LRRC66: variants seen among roughly 807,000 people sequenced by gnomAD.
LRRC66 encodes the protein leucine-rich repeat-containing protein 66.
Under a neutral mutation model 24.6 loss-of-function variants are expected in LRRC66, and 29 were observed. The observed-to-expected ratio is 1.18, with a 90% CI of 0.88 to 1.61. The LOEUF (loss-of-function observed/expected upper bound fraction) is 1.61, where lower values mean the gene tolerates loss of function less well. LRRC66 is among the 40% of genes most tolerant of loss of function. The pLI is 0.00. For synonymous variants in LRRC66, 411 were observed against 397.6 expected, an observed-to-expected ratio of 1.03 and a Z score of -0.40; for missense variants, 1,124 against 1,058.0, an observed-to-expected ratio of 1.06 and a Z score of -0.87.
chr4:52,007,242 A>AATCATAGC (rs1361560004), intron 2 of LRRC66, among the ~76,000 whole-genome samples: 2 of 152,204 alleles, frequency 1.3e-5, no homozygotes, highest in African/African-American at 2.4e-5. Flanking sequence ...GCAATGGCAC[A>AATCATAGC]ATCATAGCTC....
rs1036965352 is a variant in LRRC66, at chr4:52,018,621, G to T, written c.-5-1003C>A. 1.2e-5 allele frequency: 12 copies of T among 981,626 alleles called. No individual in the cohort carries two copies. In the African/African-American group the frequency reaches 1.6e-4, roughly 13 times the overall value. The allele number at this position is 981,626 out of a possible 1,614,324, so 60.8% of individuals were successfully genotyped here. ...TGATCCATCCTAGGTGACTCCAAAGGATTATTTTCCTACAATAACGTATTT... is the reference window on the plus strand; with the variant it reads ...TGATCCATCCTAGGTGACTCCAAAGTATTATTTTCCTACAATAACGTATTT... On this transcript the variant is annotated intron_variant, in intron 1 of 4. Coordinates refer to ENST00000682860, the MANE Select transcript of LRRC66 (RefSeq NM_001024611.3).
intron 4 of LRRC66, among the ~76,000 whole-genome samples, chr4:51,997,463 G>A (rs766196287): frequency 2.6e-4 from 39 of 152,142 alleles, no homozygotes; most frequent in Non-Finnish European, 5.1e-4. Context: ...TGGTGTGTCA[G>A]AACAAAACTC....
intron 4 of LRRC66, among the ~76,000 whole-genome samples, chr4:51,996,548 C>A (rs1241245000): frequency 5.3e-5 from 8 of 152,178 alleles, no homozygotes; most frequent in Non-Finnish European, 1.2e-4. Flanking sequence ...TGAGCTGCTG[C>A]CCCAGCTCCA....
chr4:52,018,153 T>A, intron 1 of LRRC66: 1 of 985,374 alleles, frequency 1.0e-6, no homozygotes, highest in Non-Finnish European at 1.2e-6. Context: ...GAAATACAAG[T>A]TTTGCTGTGT....
In LRRC66 at chr4:51,994,700, T is replaced by C. The variant is rs1736249919; in HGVS notation, c.2322A>G (p.Glu774=). The C allele has an allele frequency of 6.2e-7, 1 of 1,614,188 alleles. No homozygotes were observed. The change falls in exon 5 of 5, where the codon GAA becomes GAG. Residue 774 remains glutamate (E), a synonymous_variant. Transcript: ENST00000682860. ...AGTCTGGAGCAGAAATGAGAGGTTT[T>C]TCAAAGGGATCTTCTTGATTCTTGC... ...GKCKNQEDPF[E]KPLISAPDSG...
In LRRC66 at chr4:51,994,631, A is replaced by G; in HGVS notation, c.2391T>C (p.Asp797=). 1 of 1,607,532 alleles carries G rather than the reference A, an allele frequency of 6.2e-7. No homozygotes were observed. Among genetic ancestry groups the G allele is most frequent in the Non-Finnish European group, 8.5e-7 (1 of 1,174,698 alleles). Residue 797 remains aspartate, a synonymous_variant, in exon 5 of 5, where the codon GAT becomes GAC. Transcript: ENST00000682860. The part of the protein sequence containing the change: ...KTHLENASDT[D]RSEGLSPWPR... ...GCCAGGGTGACAGGCCCTCAGATCT[A>G]TCAGTGTCAGAGGCATTTTCCAGAT...
At chr4:51,996,195 G>A (rs760557278) in intron 4 of LRRC66, 30 bp from the exon 5 acceptor site, 3 of 1,509,860 alleles carry the variant, frequency 2.0e-6, no homozygotes, top group Non-Finnish European at 2.7e-6. Flanking sequence ...AATACACATT[G>A]AGCGAACATT....
At chr4:52,010,955 A>G (rs772912305) in intron 2 of LRRC66, among the ~76,000 whole-genome samples, 2 of 152,224 alleles carry the variant, frequency 1.3e-5, no homozygotes, top group Non-Finnish European at 2.9e-5. Context: ...AAAAGTACAT[A>G]TTGTATGATT....
chr4:52,004,330 T>C (rs561456291), intron 2 of LRRC66, among the ~76,000 whole-genome samples: 1 of 152,330 alleles, frequency 6.6e-6, no homozygotes, highest in East Asian at 1.9e-4. Flanking sequence ...TTTGTAGCCA[T>C]GTCCTTTCTT....
At chr4:52,006,159 T>C (rs1736579284) in intron 2 of LRRC66, among the ~76,000 whole-genome samples, 1 of 152,182 alleles carries the variant, frequency 6.6e-6, no homozygotes, top group Non-Finnish European at 1.5e-5. Flanking sequence ...CTCAGGGATC[T>C]AGAACTAGAA....
chr4:52,012,991 C>T (rs1221382775), intron 2 of LRRC66, among the ~76,000 whole-genome samples: 2 of 152,096 alleles, frequency 1.3e-5, no homozygotes, highest in African/African-American at 4.8e-5. Flanking sequence ...GGCTGTTAGT[C>T]CAAAGAGCAA....
At chr4:52,000,121 T>C (rs950038560) in intron 3 of LRRC66, among the ~76,000 whole-genome samples, 45 of 152,150 alleles carry the variant, frequency 3.0e-4, no homozygotes, top group Non-Finnish European at 1.2e-4. Context: ...TTTTTAGAGA[T>C]ATTGCCAAAC....
intron 2 of LRRC66, among the ~76,000 whole-genome samples, chr4:52,008,962 T>C (rs552862442): frequency 6.6e-6 from 1 of 152,248 alleles, no homozygotes; most frequent in African/African-American, 2.4e-5. Context: ...GGACAATACC[T>C]GCACAAAGGA....
At chr4:52,013,822 CTTGA>C (rs1736752264) in intron 2 of LRRC66, among the ~76,000 whole-genome samples, 1 of 152,148 alleles carries the variant, frequency 6.6e-6, no homozygotes, top group South Asian at 2.1e-4. Context: ...ACAAAGGTTG[CTTGA>C]TTGTTGCTTT....
At chr4:52,014,623 C>A (rs189194966) in intron 2 of LRRC66, among the ~76,000 whole-genome samples, 1 of 152,248 alleles carries the variant, frequency 6.6e-6, no homozygotes, top group Admixed American at 6.5e-5. Flanking sequence ...CAGTTCCCCT[C>A]AAAATGGGAT....
chr4:52,013,775 G>T (rs951527398), intron 2 of LRRC66, among the ~76,000 whole-genome samples: 3 of 152,146 alleles, frequency 2.0e-5, no homozygotes, highest in African/African-American at 7.2e-5. Context: ...ATTGGTTCTA[G>T]AAATAGTCCC....
intron 4 of LRRC66, 85 bp from the exon 5 acceptor site, chr4:51,996,250 A>C: frequency 1.5e-6 from 2 of 1,356,204 alleles, no homozygotes; most frequent in Non-Finnish European, 2.0e-6. Context: ...AGAATTGAAA[A>C]AAATTCAATT....
At position 51,997,735 on chromosome 4, in the gene LRRC66, A is replaced by AT; in HGVS notation, c.856+12dup. On this transcript the variant is annotated intron_variant, in intron 4 of 4. Transcript: ENST00000682860. ...ATAAATGGAGCCTTTTCAGAGAGAC[A>AT]TTACTGACTTACCTATAGACCTGTT... The AT allele has an allele frequency of 6.2e-7, 1 of 1,609,106 alleles. No homozygotes were observed.
chr4:51,994,595 TGGTGACCTGGGCCAG>T lies in LRRC66; in HGVS notation c.2412_2426del (p.Trp805_Pro809del). The T allele has an allele frequency of 6.2e-7, 1 of 1,614,208 alleles. No homozygotes were observed. Among genetic ancestry groups the T allele is most frequent in the South Asian group, 1.1e-5 (1 of 91,086 alleles). ...ACTCATCCCCTAAGGGACTATTCCC[TGGTGACCTGGGCCAG>T]GGTGACAGGCCCTCAGATCTATCAG... On this transcript the variant is annotated inframe_deletion, in exon 5 of 5. Transcript: ENST00000682860.
Sources: gnomAD v4.1 joint callset for allele counts (sites outside exome capture counted in the v4.1 genomes callset) on GRCh38, gnomAD v4.1.1 for gene constraint, MANE v1.5 for transcripts, NCBI Gene and HGNC (gene_info 2026-07-23, HGNC 2026-07-21) for gene names.